The following KDM3A variants were observed in gnomAD, a reference collection of about 807,000 sequenced individuals.
KDM3A encodes the protein lysine-specific demethylase 3A.
Under a neutral mutation model 158.0 loss-of-function variants are expected in KDM3A, and 60 were observed. The ratio of observed to expected loss-of-function variants is 0.38; its 90% confidence interval spans 0.31 to 0.47. The LOEUF (loss-of-function observed/expected upper bound fraction) is 0.47. Ranked by LOEUF, KDM3A falls within the 20% of genes least tolerant of loss-of-function variation. KDM3A has a pLI of 0.99. For missense variants in KDM3A, 1,319 were observed against 1,574.3 expected, an observed-to-expected ratio of 0.84 and a Z score of 2.74; for synonymous variants, 608 against 549.3, an observed-to-expected ratio of 1.11 and a Z score of -1.49.
At chr2:86,486,024 T>G (rs988431248) in intron 21 of KDM3A, among the ~76,000 whole-genome samples, 165 bp downstream of exon 21, 74 of 56,024 alleles carry the variant, frequency 1.3e-3, no homozygotes, top group Non-Finnish European at 2.2e-3. Flanking sequence ...GCCACATGTT[T>G]GTGTGTTTCT....
chr2:86,442,480 T>C lies in KDM3A; in HGVS notation c.186+247T>C, dbSNP rs145304084. ...GGGTTGTTCAGACACGCTTCATTAATGCCGGTGCTGTGTCCCACCAGGACT... is the reference window on the plus strand; with the variant it reads ...GGGTTGTTCAGACACGCTTCATTAACGCCGGTGCTGTGTCCCACCAGGACT... On this transcript the variant is annotated intron_variant, in intron 2 of 25. Transcript: ENST00000312912. 1,140 of 421,440 alleles carry C rather than the reference T, an allele frequency of 2.7e-3. 5 individuals carry two copies. The highest frequency in any genetic ancestry group is 6.6e-3 in the South Asian group (211 of 31,764). The allele number at this position is 421,440 out of a possible 1,614,324, so 26.1% of individuals were successfully genotyped here.
At chr2:86,486,246 C>T (rs1416442480) in intron 21 of KDM3A, among the ~76,000 whole-genome samples, 1 of 152,190 alleles carries the variant, frequency 6.6e-6, no homozygotes, top group East Asian at 1.9e-4. Flanking sequence ...GTCTTAACAT[C>T]TGCTACAATT....
chr2:86,485,068 C>CCAAGTGAAGGACAGA, intron 20 of KDM3A, 39 bp downstream of exon 20: 1 of 1,126,564 alleles, frequency 8.9e-7, no homozygotes, highest in Non-Finnish European at 1.3e-6. Flanking sequence ...TTCTGTCCTT[C>CCAAGTGAAGGACAGA]ACTTGGTAGG....
At position 86,491,168 on chromosome 2, in the gene KDM3A, G is replaced by C. The variant is rs1674437166; in HGVS notation, c.3778G>C (p.Val1260Leu). The change falls in exon 25 of 26, where the codon GTG becomes CTG. Residue 1260 changes from valine to leucine, a missense_variant. Transcript: ENST00000312912. Reference sequence around the variant, plus strand: ...TCATAACTTATATAGCTGCATCAAAGTGGCTGAAGATTTTGTTTCTCCAGA... The same window carrying C: ...TCATAACTTATATAGCTGCATCAAACTGGCTGAAGATTTTGTTTCTCCAGA... The part of the protein sequence containing the change: ...QVHNLYSCIK[V>L]AEDFVSPEHV... 2.5e-6 allele frequency: 4 copies of C among 1,613,986 alleles called. No homozygotes were observed. Among genetic ancestry groups the C allele is most frequent in the South Asian group, 1.1e-5 (1 of 91,074 alleles).
At chr2:86,479,985 C>G (rs1262469394) in intron 15 of KDM3A, 182 bp from the exon 16 acceptor site, 2 of 600,596 alleles carry the variant, frequency 3.3e-6, no homozygotes, top group African/African-American at 1.9e-5. Context: ...TCTCTCCTAC[C>G]TTTTAGTTAT....
intron 23 of KDM3A, 164 bp from the exon 24 acceptor site, chr2:86,490,716 AT>A: frequency 1.8e-6 from 1 of 549,394 alleles, no homozygotes; most frequent in Non-Finnish European, 3.2e-6. Context: ...CTGTTGGTTC[AT>A]TCAGCTGAAG....
intron 2 of KDM3A, chr2:86,443,641 T>G (rs1682836728): frequency 6.6e-6 from 1 of 152,250 alleles, no homozygotes; most frequent in Non-Finnish European, 1.5e-5. Context: ...GCCTGTATTC[T>G]GTCAAACCCA....
At chr2:86,466,947 CTT>C in intron 10 of KDM3A, 64 bp downstream of exon 10, 5 of 1,277,820 alleles carry the variant, frequency 3.9e-6, no homozygotes, top group Non-Finnish European at 5.3e-6. Flanking sequence ...ATATCTCTTT[CTT>C]GTCCTATGAG....
intron 2 of KDM3A, among the ~76,000 whole-genome samples, chr2:86,442,819 A>G (rs1682792162): frequency 1.3e-5 from 2 of 151,864 alleles, no homozygotes; most frequent in African/African-American, 2.4e-5. Flanking sequence ...TGGGTGTGGG[A>G]TATGACCATA....
intron 2 of KDM3A, 84 bp from the exon 3 acceptor site, chr2:86,449,723 A>G (rs1223042881): frequency 1.4e-6 from 2 of 1,382,688 alleles, no homozygotes; most frequent in Non-Finnish European, 2.0e-6. Flanking sequence ...AGAATAATGA[A>G]GGTATAGTTC....
chr2:86,446,346 A>G (rs1682957099), intron 2 of KDM3A, among the ~76,000 whole-genome samples: 1 of 152,198 alleles, frequency 6.6e-6, no homozygotes, highest in Admixed American at 6.5e-5. Context: ...TTAGAATAGA[A>G]ACTAGCTGCA....
intron 18 of KDM3A, chr2:86,482,975 A>G: frequency 2.5e-6 from 1 of 408,056 alleles, no homozygotes; most frequent in African/African-American, 2.0e-5. Context: ...TCCTATGGTA[A>G]ACTTCAGCAG....
intron 11 of KDM3A, among the ~76,000 whole-genome samples, chr2:86,471,273 ATATG>A (rs1269434087): frequency 7.5e-6 from 1 of 133,784 alleles, no homozygotes; most frequent in Non-Finnish European, 1.5e-5. Flanking sequence ...ATATGTGTAT[ATATG>A]TGTGTATATA....
At chr2:86,459,606 G>GCCA (rs1181314514) in intron 8 of KDM3A, among the ~76,000 whole-genome samples, 1 of 152,084 alleles carries the variant, frequency 6.6e-6, no homozygotes, top group Admixed American at 6.6e-5. Flanking sequence ...ACCTCCCTTG[G>GCCA]GGGAAGGTGC....
At chr2:86,446,874 C>A (rs1207664847) in intron 2 of KDM3A, among the ~76,000 whole-genome samples, 2 of 152,170 alleles carry the variant, frequency 1.3e-5, no homozygotes, top group Non-Finnish European at 2.9e-5. Flanking sequence ...TGCAGTGGCA[C>A]AATCATAGCT....
In KDM3A at chr2:86,474,792, C is replaced by T. The variant is rs1186857865; in HGVS notation, c.1741C>T (p.His581Tyr). 6.7e-7 allele frequency: 1 copy of T among 1,481,922 alleles called. No individual in the cohort carries two copies. The highest frequency in any genetic ancestry group is 9.1e-7 in the Non-Finnish European group (1 of 1,095,014). The allele number at this position is 1,481,922 out of a possible 1,614,324, so 91.8% of individuals were successfully genotyped here. ...FHFRRLQFNKHGVLRVEGFLT... is the reference protein window; with the variant it reads ...FHFRRLQFNKYGVLRVEGFLT... ...TTCCCCTAGGTTACAATTCAACAAA[C>T]ATGGTGTGTTGCGGGTAGAAGGCTT... Residue 581 changes from histidine to tyrosine, a missense_variant, in exon 12 of 26, where the codon CAT becomes TAT. Physicochemically the swap from His to Tyr is moderately conservative, Grantham distance 83. This residue lies in a region of KDM3A where 113 missense variants were observed against 190.5 expected (regional missense o/e 0.59). Coordinates refer to ENST00000312912, the MANE Select transcript of KDM3A (RefSeq NM_018433.6).
At chr2:86,474,248 G>A (rs960164899) in intron 11 of KDM3A, among the ~76,000 whole-genome samples, 6 of 152,116 alleles carry the variant, frequency 3.9e-5, no homozygotes, top group Non-Finnish European at 7.3e-5. Flanking sequence ...CCCCTGTCTA[G>A]CTTGTCTTTT....
At chr2:86,491,356 A>G (rs1573218510) in intron 25 of KDM3A, 81 bp downstream of exon 25, 2 of 1,453,458 alleles carry the variant, frequency 1.4e-6, no homozygotes, top group African/African-American at 1.4e-5. Context: ...AAAGAGAGTC[A>G]GTGAACTTGG....
chr2:86,488,479 C>G (rs1054016244), intron 21 of KDM3A: 2 of 152,232 alleles, frequency 1.3e-5, no homozygotes, highest in Admixed American at 6.5e-5. Context: ...AAGGAAAGTA[C>G]AACAGGGCTC....
Sources: gnomAD v4.1 joint callset for allele counts (sites outside exome capture counted in the v4.1 genomes callset) on GRCh38, gnomAD v4.1.1 for gene constraint, gnomAD v4.1.1 regional missense constraint, MANE v1.5 for transcripts, NCBI Gene and HGNC (gene_info 2026-07-23, HGNC 2026-07-21) for gene names.